Variants in C2CD5 observed in about 807,000 individuals in gnomAD.
C2CD5 encodes the protein C2 calcium dependent domain containing 5.
C2CD5 carries 109 observed loss-of-function variants against 130.3 expected under a neutral mutation model. The observed-to-expected ratio is 0.84, with a 90% CI of 0.72 to 0.98. The LOEUF (loss-of-function observed/expected upper bound fraction) is 0.98. Among genes scored for constraint, C2CD5 ranks in the 50% least tolerant of loss-of-function variants. The probability of loss-of-function intolerance (pLI) is 0.00; values close to 1 mark genes in which losing one functional copy is unlikely to be tolerated. For missense variants in C2CD5, 996 were observed against 1,261.8 expected, an observed-to-expected ratio of 0.79 and a Z score of 3.19; for synonymous variants, 454 against 429.2, an observed-to-expected ratio of 1.06 and a Z score of -0.71.
intron 19 of C2CD5, 46 bp from the exon 20 acceptor site, chr12:22,471,534 T>A (rs1943029594): frequency 4.4e-6 from 5 of 1,145,618 alleles, no homozygotes; most frequent in Non-Finnish European, 6.2e-6. Flanking sequence ...TATTTAAAAA[T>A]TTTTAAAAGC....
intron 9 of C2CD5, among the ~76,000 whole-genome samples, chr12:22,511,924 G>T (rs1012839): frequency 0.16 from 24,195 of 152,150 alleles, 3,826 homozygotes; most frequent in African/African-American, 0.41. Flanking sequence ...CAGGGAAAAA[G>T]AGCATTCTGG....
At chr12:22,519,325 G>C in intron 7 of C2CD5, 1 of 1,194,946 alleles carries the variant, frequency 8.4e-7, no homozygotes, top group Non-Finnish European at 1.1e-6. Flanking sequence ...TTTCAAAGGA[G>C]CTTTAGTCAG....
intron 13 of C2CD5, 98 bp from the exon 14 acceptor site, chr12:22,482,841 T>A: frequency 1.2e-6 from 1 of 818,244 alleles, no homozygotes; most frequent in Non-Finnish European, 2.0e-6. Context: ...ATAAAACATT[T>A]ACTTGTTTCT....
At chr12:22,503,885 CAA>C (rs1392961097) in intron 10 of C2CD5, among the ~76,000 whole-genome samples, 1 of 152,074 alleles carries the variant, frequency 6.6e-6, no homozygotes, top group East Asian at 1.9e-4. Context: ...AAAAATAAAA[CAA>C]AATGAAAATA....
At chr12:22,527,331 T>TATA (rs577439968) in intron 4 of C2CD5, among the ~76,000 whole-genome samples, 4,797 of 117,538 alleles carry the variant, frequency 0.041, 258 homozygotes, top group African/African-American at 0.16. Context: ...TATATATATA[T>TATA]TTTTTTTTTT....
At chr12:22,488,363 C>T (rs1191054816) in intron 12 of C2CD5, among the ~76,000 whole-genome samples, 5 of 151,734 alleles carry the variant, frequency 3.3e-5, no homozygotes, top group African/African-American at 1.2e-4. Context: ...GATATAGGAA[C>T]TCTCCAAATT....
chr12:22,478,277 A>T (rs756341472), intron 15 of C2CD5, 36 bp downstream of exon 15: 1 of 1,530,892 alleles, frequency 6.5e-7, no homozygotes, highest in African/African-American at 1.4e-5. Flanking sequence ...ATAAACAATA[A>T]CTGATACATT....
At chr12:22,483,079 GA>G (rs1375157030) in intron 13 of C2CD5, among the ~76,000 whole-genome samples, 1 of 152,076 alleles carries the variant, frequency 6.6e-6, no homozygotes, top group Non-Finnish European at 1.5e-5. Flanking sequence ...TGCGTGAGGG[GA>G]TGGATACCCC....
intron 19 of C2CD5, 66 bp from the exon 20 acceptor site, chr12:22,471,554 T>A (rs903442880): frequency 2.7e-5 from 23 of 858,280 alleles, no homozygotes; most frequent in African/African-American, 2.1e-4. Flanking sequence ...CTGATTTTTT[T>A]AATGTACATT....
intron 10 of C2CD5, among the ~76,000 whole-genome samples, chr12:22,505,397 C>T (rs1232015503): frequency 6.6e-6 from 1 of 151,750 alleles, no homozygotes; most frequent in Non-Finnish European, 1.5e-5. Context: ...GCTGGGATTA[C>T]AGGTGCCTGC....
chr12:22,482,342 T>C (rs1232972738), intron 14 of C2CD5, among the ~76,000 whole-genome samples: 2 of 152,224 alleles, frequency 1.3e-5, no homozygotes, highest in African/African-American at 4.8e-5. Context: ...TGATAATTTT[T>C]AGAAATAGAA....
chr12:22,459,428 T>A, intron 23 of C2CD5, 64 bp downstream of exon 23: 1 of 1,047,294 alleles, frequency 9.5e-7, no homozygotes, highest in Non-Finnish European at 1.4e-6. Flanking sequence ...GTCTATAATT[T>A]TATGCACCAC....
chr12:22,472,453 A>T (rs973468366), intron 17 of C2CD5, 106 bp from the exon 18 acceptor site: 2 of 666,302 alleles, frequency 3.0e-6, no homozygotes, highest in Non-Finnish European at 5.1e-6. Flanking sequence ...AACACCCTTC[A>T]TTTTTTTTCT....
intron 3 of C2CD5, among the ~76,000 whole-genome samples, chr12:22,530,271 T>TAC (rs1951150337): frequency 6.7e-6 from 1 of 149,174 alleles, no homozygotes; most frequent in African/African-American, 2.5e-5. Context: ...TATATATATA[T>TAC]ACACAACTGT....
intron 10 of C2CD5, among the ~76,000 whole-genome samples, chr12:22,494,951 T>C (rs1050765091): frequency 6.6e-6 from 1 of 152,066 alleles, no homozygotes; most frequent in African/African-American, 2.4e-5. Context: ...TTTAACATCA[T>C]CCTTTCCTAA....
intron 3 of C2CD5, among the ~76,000 whole-genome samples, chr12:22,531,055 CTATA>C (rs1951226971): frequency 6.6e-6 from 1 of 152,036 alleles, no homozygotes; most frequent in Admixed American, 6.6e-5. Context: ...TCAAAATAAA[CTATA>C]TAAACATCCC....
intron 10 of C2CD5, among the ~76,000 whole-genome samples, chr12:22,496,684 A>T (rs1219865883): frequency 6.7e-6 from 1 of 149,378 alleles, no homozygotes; most frequent in Non-Finnish European, 1.5e-5. Flanking sequence ...TATACAAATT[A>T]TATATTTTAT....
At chr12:22,482,207 C>T (rs567054685) in intron 14 of C2CD5, among the ~76,000 whole-genome samples, 2 of 152,180 alleles carry the variant, frequency 1.3e-5, no homozygotes, top group African/African-American at 4.8e-5. Flanking sequence ...CAATGCACAA[C>T]TCAGTTCCCT....
chr12:22,474,678 T>C, intron 16 of C2CD5, 73 bp downstream of exon 16: 1 of 1,088,816 alleles, frequency 9.2e-7, no homozygotes. Flanking sequence ...AAGTATCATA[T>C]TAATTTAGCA....
Sources: gnomAD v4.1 joint callset for allele counts (sites outside exome capture counted in the v4.1 genomes callset) on GRCh38, gnomAD v4.1.1 for gene constraint, MANE v1.5 for transcripts, NCBI Gene and HGNC (gene_info 2026-07-23, HGNC 2026-07-21) for gene names.